SLC6A13: variants seen among roughly 807,000 people sequenced by gnomAD.
SLC6A13 encodes the protein solute carrier family 6 member 13.
In SLC6A13, 69 loss-of-function variants were observed where a neutral mutation model predicts 72.9. The observed-to-expected ratio is 0.95, with a 90% CI of 0.78 to 1.16. The LOEUF is 1.16. SLC6A13 is among the 50% of genes most tolerant of loss of function. SLC6A13 has a pLI of 0.00. For synonymous variants in SLC6A13, 303 were observed against 303.0 expected (o/e 1.00, Z 0.00); for missense variants, 735 against 760.5 (o/e 0.97, Z 0.39).
In SLC6A13 at chr12:226,495, A is replaced by G; in HGVS notation, c.955T>C (p.Phe319Leu). 6.2e-7 allele frequency: 1 copy of G among 1,613,926 alleles called. No homozygotes were observed. Among genetic ancestry groups the G allele is most frequent in the Non-Finnish European group, 8.5e-7 (1 of 1,179,850 alleles). The change falls in exon 9 of 15, where the codon TTC becomes CTC. Residue 319 changes from phenylalanine (F) to leucine (L), a missense_variant. Coordinates refer to ENST00000343164, the MANE Select transcript of SLC6A13 (RefSeq NM_016615.5). ...ACAAAGCTGGTGCCGCTGTTGAGGAAGCAGAGGGCGATGCAGTCCCTGTGG... is the reference window on the plus strand; with the variant it reads ...ACAAAGCTGGTGCCGCTGTTGAGGAGGCAGAGGGCGATGCAGTCCCTGTGG... ...NCYRDCIALC[F>L]LNSGTSFVAG...
chr12:221,319 G>T, intron 14 of SLC6A13, 57 bp downstream of exon 14: 1 of 1,502,396 alleles, frequency 6.7e-7, no homozygotes, highest in South Asian at 1.3e-5. Context: ...CCCACCTGTC[G>T]GCACCTGCGA....
In SLC6A13 at chr12:235,121, T is replaced by C. The variant is rs1941876159; in HGVS notation, c.800A>G (p.Tyr267Cys). 6.2e-7 allele frequency: 1 copy of C among 1,614,190 alleles called. No homozygotes were observed. Among genetic ancestry groups the C allele is most frequent in the Non-Finnish European group, 8.5e-7 (1 of 1,180,010 alleles). Reference protein sequence around the residue: ...GAAQGIQFYLYPNLTRLWDPQ... With the variant: ...GAAQGIQFYLCPNLTRLWDPQ... ...ATCCCACAGACGCGTGAGGTTTGGG[T>C]ACAGGTAAAACTGAATTCCTTGGGC... is the stretch of plus-strand genomic sequence containing the variant. Residue 267 changes from tyrosine (Y) to cysteine (C), a missense_variant, in exon 7 of 15, where the codon TAC becomes TGC. Tyr to Cys is a radical substitution (Grantham distance 194, BLOSUM62 -2). Coordinates refer to ENST00000343164, the MANE Select transcript of SLC6A13 (RefSeq NM_016615.5).
chr12:251,169 A>AC (rs903468061), intron 2 of SLC6A13, among the ~76,000 whole-genome samples: 5 of 152,070 alleles, frequency 3.3e-5, no homozygotes, highest in African/African-American at 1.2e-4. Context: ...AAAAAACAAA[A>AC]AAAAAAAACC....
intron 5 of SLC6A13, among the ~76,000 whole-genome samples, 162 bp from the exon 6 acceptor site, chr12:237,452 A>G (rs1482604355): frequency 1.3e-5 from 2 of 152,228 alleles, no homozygotes; most frequent in Non-Finnish European, 2.9e-5. Flanking sequence ...GGAGGTGGAC[A>G]TAAAGGTGGA....
intron 7 of SLC6A13, among the ~76,000 whole-genome samples, chr12:231,923 G>A (rs1941724631): frequency 6.6e-6 from 1 of 152,260 alleles, no homozygotes; most frequent in African/African-American, 2.4e-5. Context: ...CAGGGACCTC[G>A]TCTCCAAGAG....
At position 223,792 on chromosome 12, in the gene SLC6A13, G is replaced by A. The variant is rs551002959; in HGVS notation, c.1311+200C>T. The A allele has an allele frequency of 1.7e-5, 10 of 588,456 alleles. 1 individual carries two copies. In the South Asian group the frequency reaches 1.8e-4, roughly 11 times the overall value. The allele number at this position is 588,456 out of a possible 1,614,324, so 36.5% of individuals were successfully genotyped here. On this transcript the variant is annotated intron_variant, in intron 11 of 14. Coordinates refer to ENST00000343164, the MANE Select transcript of SLC6A13 (RefSeq NM_016615.5). ...AAATGGCTCCTCACCCATCCCTGGA[G>A]GTGGGTGGTCCATGCCCAAAGGCCA...
intron 5 of SLC6A13, 97 bp from the exon 6 acceptor site, chr12:237,387 C>T: frequency 1.4e-6 from 2 of 1,392,128 alleles, no homozygotes; most frequent in Non-Finnish European, 2.0e-6. Context: ...CCTCCAGGCT[C>T]TTGTCCAAAG....
At chr12:241,507 A>C (rs150817033) in intron 4 of SLC6A13, among the ~76,000 whole-genome samples, 1 of 152,288 alleles carries the variant, frequency 6.6e-6, no homozygotes, top group African/African-American at 2.4e-5. Flanking sequence ...TGGCTGTTTA[A>C]GTTAACATTC....
At chr12:223,530 C>T (rs1428414353) in intron 11 of SLC6A13, among the ~76,000 whole-genome samples, 1 of 152,078 alleles carries the variant, frequency 6.6e-6, no homozygotes, top group African/African-American at 2.4e-5. Context: ...AGAGTGTACT[C>T]TTTGGGGAAA....
rs759412358 is a variant in SLC6A13, at chr12:243,639, C to T, written c.337+40G>A. 3.3e-5 allele frequency: 53 copies of T among 1,591,848 alleles called. 1 individual carries two copies. In the South Asian group the frequency reaches 4.8e-4, roughly 14 times the overall value. On this transcript the variant is annotated intron_variant, in intron 3 of 14. Transcript: ENST00000343164. Reference sequence around the variant, plus strand: ...TCATTCCAAACAAGGTTTATAACCACGAATGAAGACGCTTTGGAGTCAGGT... The same window carrying T: ...TCATTCCAAACAAGGTTTATAACCATGAATGAAGACGCTTTGGAGTCAGGT...
chr12:248,880 T>C (rs1315916772), intron 2 of SLC6A13, among the ~76,000 whole-genome samples: 1 of 152,054 alleles, frequency 6.6e-6, no homozygotes, highest in Non-Finnish European at 1.5e-5. Context: ...GATGGGCCCA[T>C]ATCCTGGACC....
In SLC6A13 at chr12:221,379, T is replaced by C. The variant is rs1001948448; in HGVS notation, c.1683A>G (p.Arg561=). The stretch of plus-strand genomic sequence containing the variant: ...TTCCTGCCCGCAAAGGCCCTACCTC[T>C]CTGAAGGGGCCCTTGAGGGTTCCGA... ...YRLGTLKGPF[R]ERIRQLMCPA... The change falls in exon 14 of 15, where the codon AGA becomes AGG. Residue 561 remains arginine, a synonymous_variant. Transcript: ENST00000343164. 6.3e-7 allele frequency: 1 copy of C among 1,593,018 alleles called. No homozygotes were observed. Among genetic ancestry groups the C allele is most frequent in the African/African-American group, 1.3e-5 (1 of 74,874 alleles).
chr12:235,889 T>A (rs1475027070), intron 6 of SLC6A13, among the ~76,000 whole-genome samples: 1 of 152,168 alleles, frequency 6.6e-6, no homozygotes, highest in Admixed American at 6.5e-5. Flanking sequence ...GGAATGTCTG[T>A]CTTATGCAGT....
intron 11 of SLC6A13, 167 bp downstream of exon 11, chr12:223,825 G>C (rs1470112749): frequency 1.1e-5 from 8 of 712,826 alleles, no homozygotes; most frequent in Admixed American, 2.6e-5. Context: ...CCAGAGGAGG[G>C]ACCTGCCTAC....
intron 6 of SLC6A13, among the ~76,000 whole-genome samples, chr12:236,599 C>T (rs1232146577): frequency 1.3e-5 from 2 of 152,158 alleles, no homozygotes; most frequent in African/African-American, 4.8e-5. Flanking sequence ...TGGCATTCTC[C>T]CAATAAGTGT....
At position 226,418 on chromosome 12, in the gene SLC6A13, C is replaced by T; in HGVS notation, c.1032G>A (p.Gly344=). ...SILGFMSQEQ[G]VPISEVAESG... ...ACTCGGCCACCTCAGAAATGGGCAC[C>T]CCCTGCTCCTGAGACATGAAGCCCA... Residue 344 remains glycine (G), a synonymous_variant, in exon 9 of 15, where the codon GGG becomes GGA. Coordinates refer to ENST00000343164, the MANE Select transcript of SLC6A13 (RefSeq NM_016615.5). 1.2e-6 allele frequency: 2 copies of T among 1,614,112 alleles called. No individual in the cohort carries two copies. The highest frequency in any genetic ancestry group is 1.1e-5 in the South Asian group (1 of 91,088).
chr12:241,468 C>T (rs962786621), intron 4 of SLC6A13, among the ~76,000 whole-genome samples: 2 of 152,124 alleles, frequency 1.3e-5, no homozygotes, highest in African/African-American at 4.8e-5. Context: ...CCAGCCATGC[C>T]GTCCGACAGG....
At chr12:230,032 T>C (rs1464554725) in intron 7 of SLC6A13, among the ~76,000 whole-genome samples, 1 of 151,968 alleles carries the variant, frequency 6.6e-6, no homozygotes, top group Admixed American at 6.6e-5. Flanking sequence ...CGCTGGGAGC[T>C]TGGCAAGCCC....
intron 7 of SLC6A13, among the ~76,000 whole-genome samples, chr12:228,299 A>T (rs1009101259): frequency 6.6e-6 from 1 of 152,162 alleles, no homozygotes; most frequent in Non-Finnish European, 1.5e-5. Flanking sequence ...CAGCCCGTGC[A>T]TGTTATGATT....
Sources: gnomAD v4.1 joint callset for allele counts (sites outside exome capture counted in the v4.1 genomes callset) on GRCh38, gnomAD v4.1.1 for gene constraint, MANE v1.5 for transcripts, NCBI Gene and HGNC (gene_info 2026-07-23, HGNC 2026-07-21) for gene names.